SOX6: variants seen among roughly 807,000 people sequenced by gnomAD.
SOX6 encodes SRY-box transcription factor 6.
A neutral mutation model predicts 97.8 loss-of-function variants in SOX6; 11 were observed. That is an observed-to-expected ratio of 0.11 (90% CI 0.07 to 0.19). SOX6 has a LOEUF of 0.19. SOX6 is among the 10% of genes least tolerant of loss of function. The probability of loss-of-function intolerance (pLI) is 1.00; values close to 1 mark genes in which losing one functional copy is unlikely to be tolerated. For missense variants in SOX6, 810 were observed against 1,039.5 expected, an observed-to-expected ratio of 0.78 and a Z score of 3.04; for synonymous variants, 360 against 371.4, an observed-to-expected ratio of 0.97 and a Z score of 0.35.
chr11:16,205,932 G>T (rs1852059990), intron 4 of SOX6, among the ~76,000 whole-genome samples: 1 of 151,838 alleles, frequency 6.6e-6, no homozygotes, highest in African/African-American at 2.4e-5. Flanking sequence ...TCTAGTTTGG[G>T]TTACAATGCT....
At chr11:16,715,352 A>G (rs1330085794) in intron 2 of SOX6, among the ~76,000 whole-genome samples, 1 of 152,158 alleles carries the variant, frequency 6.6e-6, no homozygotes, top group Non-Finnish European at 1.5e-5. Flanking sequence ...CACCTTTTTT[A>G]GTATGGCTAC....
chr11:16,249,095 T>TC (rs1853429938), intron 3 of SOX6, among the ~76,000 whole-genome samples: 1 of 50,912 alleles, frequency 2.0e-5, no homozygotes, highest in African/African-American at 6.6e-5. Flanking sequence ...AGGCTCTGTC[T>TC]CAAAAAAAAA....
intron 15 of SOX6, among the ~76,000 whole-genome samples, chr11:15,974,761 G>T (rs1209025752): frequency 6.6e-6 from 1 of 152,096 alleles, no homozygotes; most frequent in Admixed American, 6.5e-5. Context: ...TGAGATATTG[G>T]TTCACGCTGA....
chr11:16,060,749 G>A (rs1847927835), intron 9 of SOX6, among the ~76,000 whole-genome samples: 1 of 151,828 alleles, frequency 6.6e-6, no homozygotes, highest in Admixed American at 6.6e-5. Flanking sequence ...AGAATTCAAA[G>A]CACATAGCTC....
At chr11:16,221,198 G>C (rs1852527936) in intron 4 of SOX6, among the ~76,000 whole-genome samples, 1 of 151,994 alleles carries the variant, frequency 6.6e-6, no homozygotes, top group African/African-American at 2.4e-5. Flanking sequence ...CATTTGCATT[G>C]ATTATGCAAA....
chr11:16,187,111 A>G (rs746490088), intron 4 of SOX6, among the ~76,000 whole-genome samples, 156 bp from the exon 5 acceptor site: 7 of 152,106 alleles, frequency 4.6e-5, no homozygotes, highest in Non-Finnish European at 7.4e-5. Flanking sequence ...CCAGAGAGTA[A>G]TTACAGCAGT....
rs567491240 is a variant in SOX6, at chr11:16,192,774, A to G, written c.536-5819T>C. On this transcript the variant is annotated intron_variant, in intron 4 of 15. Transcript: ENST00000683767. ...AAATAAAAAATTAAGTTTAAAATGT[A>G]TTTAAAAGCCTTTTTTTACATCAGT... Among the ~76,000 whole-genome samples, 9 of 152,322 alleles carry G rather than the reference A, an allele frequency of 5.9e-5. No homozygotes were observed. The South Asian group carries it at 1.9e-3, about 32-fold the overall frequency.
At chr11:16,715,785 G>GT (rs1347129330) in intron 2 of SOX6, among the ~76,000 whole-genome samples, 1 of 151,920 alleles carries the variant, frequency 6.6e-6, no homozygotes, top group Admixed American at 6.6e-5. Flanking sequence ...TGGTTTTGAA[G>GT]TTTTACTTTT....
intron 4 of SOX6, among the ~76,000 whole-genome samples, chr11:16,494,495 TATAA>T (rs1860562666): frequency 1.3e-5 from 2 of 152,150 alleles, no homozygotes; most frequent in Non-Finnish European, 2.9e-5. Context: ...AGCAAATATG[TATAA>T]TAAAGTACCA....
chr11:16,535,587 C>T (rs72875220), intron 4 of SOX6, among the ~76,000 whole-genome samples: 16,011 of 152,060 alleles, frequency 0.11, 914 homozygotes, highest in Non-Finnish European at 0.14. Flanking sequence ...TGAGAGGATC[C>T]CTTGACCCTG....
chr11:16,321,142 C>T (rs755896206), intron 2 of SOX6, among the ~76,000 whole-genome samples: 23 of 152,022 alleles, frequency 1.5e-4, no homozygotes, highest in Middle Eastern at 3.2e-3. Context: ...GCCATTTAAA[C>T]CTCTTAATAA....
At chr11:16,108,864 A>G (rs965590009) in intron 7 of SOX6, among the ~76,000 whole-genome samples, 1 of 152,052 alleles carries the variant, frequency 6.6e-6, no homozygotes, top group Non-Finnish European at 1.5e-5. Flanking sequence ...CCCTAAATGT[A>G]TTTGCTTACA....
intron 4 of SOX6, among the ~76,000 whole-genome samples, chr11:16,593,921 A>G (rs1317418298): frequency 6.6e-6 from 1 of 152,222 alleles, no homozygotes; most frequent in Non-Finnish European, 1.5e-5. Flanking sequence ...TAAAAAAGAA[A>G]AAATTCATGT....
intron 6 of SOX6, among the ~76,000 whole-genome samples, chr11:16,126,397 C>A (rs1038863152): frequency 2.0e-5 from 3 of 152,050 alleles, no homozygotes; most frequent in African/African-American, 7.2e-5. Flanking sequence ...GTAGTTTCCA[C>A]AGTAGAATAA....
chr11:16,036,207 G>C (rs1855515593), intron 12 of SOX6, among the ~76,000 whole-genome samples: 1 of 151,752 alleles, frequency 6.6e-6, no homozygotes, highest in African/African-American at 2.4e-5. Context: ...AGCCTCCCGA[G>C]TAGCTGGGAT....
chr11:16,537,365 G>A (rs747822806), intron 4 of SOX6, among the ~76,000 whole-genome samples: 9 of 152,124 alleles, frequency 5.9e-5, no homozygotes, highest in African/African-American at 1.2e-4. Context: ...CAAACATGAG[G>A]AGAAATCAGA....
At chr11:16,454,473 G>A (rs1393129742) in intron 1 of SOX6, among the ~76,000 whole-genome samples, 1 of 151,982 alleles carries the variant, frequency 6.6e-6, no homozygotes, top group African/African-American at 2.4e-5. Flanking sequence ...TCTGTACTAG[G>A]AAAGGTAATG....
intron 2 of SOX6, among the ~76,000 whole-genome samples, chr11:16,333,085 G>C (rs571801796): frequency 6.6e-6 from 1 of 152,092 alleles, no homozygotes; most frequent in Non-Finnish European, 1.5e-5. Flanking sequence ...TCAAACAAAT[G>C]ATGCAAGTAG....
At chr11:16,380,713 C>G (rs1251221968) in intron 1 of SOX6, among the ~76,000 whole-genome samples, 1 of 152,056 alleles carries the variant, frequency 6.6e-6, no homozygotes, top group Non-Finnish European at 1.5e-5. Context: ...TCAACTATAT[C>G]AAGTTGCAAA....
Sources: gnomAD v4.1 joint callset for allele counts (sites outside exome capture counted in the v4.1 genomes callset) on GRCh38, gnomAD v4.1.1 for gene constraint, MANE v1.5 for transcripts, NCBI Gene and HGNC (gene_info 2026-07-23, HGNC 2026-07-21) for gene names.